The following FRYL variants were observed in gnomAD, a reference collection of about 807,000 sequenced individuals.
The protein encoded by FRYL is FRY like transcription coactivator, also known as protein furry homolog-like.
A neutral mutation model predicts 351.2 loss-of-function variants in FRYL; 150 were observed. That is an observed-to-expected ratio of 0.43 (90% confidence interval 0.37 to 0.49). The LOEUF is 0.49. FRYL is among the 20% of genes least tolerant of loss of function. The pLI is 0.00. For missense variants in FRYL, 3,036 were observed against 3,619.3 expected (o/e 0.84, Z 4.13); for synonymous variants, 1,153 against 1,257.1 (o/e 0.92, Z 1.75).
intron 1 of FRYL, among the ~76,000 whole-genome samples, chr4:48,720,057 G>A (rs1769293347): frequency 6.6e-6 from 1 of 150,766 alleles, no homozygotes; most frequent in Non-Finnish European, 1.5e-5. Context: ...GGCTGAGGCA[G>A]GAGAATGGCT....
At chr4:48,542,191 G>A (rs1730334403) in intron 44 of FRYL, 70 bp from the exon 45 acceptor site, 2 of 1,042,188 alleles carry the variant, frequency 1.9e-6, no homozygotes, top group Admixed American at 3.8e-5. Context: ...ACTTCCTAAT[G>A]GGATTTTAAA....
intron 13 of FRYL, among the ~76,000 whole-genome samples, chr4:48,600,917 C>T (rs947416856): frequency 6.6e-6 from 1 of 152,108 alleles, no homozygotes; most frequent in Non-Finnish European, 1.5e-5. Context: ...CATATAAATT[C>T]TCATCCAAAC....
rs573254352 is a variant in FRYL, at chr4:48,544,474, AT to A, written c.5401+308del. Among the ~76,000 whole-genome samples, 501 of 152,148 alleles carry A rather than the reference AT, an allele frequency of 3.3e-3. 2 individuals are homozygous for A. The highest frequency in any genetic ancestry group is 6.4e-3 in the Non-Finnish European group (432 of 67,990). ...GATTACTGAAGACTATACCAGCACA[AT>A]TTTTTTTAAGTTTCCAATTTCTATA... On this transcript the variant is annotated intron_variant, in intron 43 of 63. Coordinates refer to ENST00000358350, the MANE Select transcript of FRYL (RefSeq NM_015030.2).
At chr4:48,539,867 G>C (rs1729769319) in intron 47 of FRYL, 104 bp downstream of exon 47, 3 of 780,262 alleles carry the variant, frequency 3.8e-6, no homozygotes, top group Admixed American at 2.7e-5. Flanking sequence ...AAATTCATAT[G>C]GGAAGTGACA....
intron 54 of FRYL, among the ~76,000 whole-genome samples, chr4:48,522,191 G>A (rs1725052753): frequency 6.6e-6 from 1 of 152,140 alleles, no homozygotes; most frequent in Non-Finnish European, 1.5e-5. Flanking sequence ...TGAGGCAAGA[G>A]GATCACTTGA....
intron 1 of FRYL, among the ~76,000 whole-genome samples, chr4:48,751,431 A>G (rs1773238130): frequency 6.6e-6 from 1 of 152,206 alleles, no homozygotes; most frequent in South Asian, 2.1e-4. Flanking sequence ...AAACTTATAT[A>G]TCCCAAATGA....
At chr4:48,523,730 T>C (rs1184119260) in intron 53 of FRYL, among the ~76,000 whole-genome samples, 1 of 152,210 alleles carries the variant, frequency 6.6e-6, no homozygotes, top group African/African-American at 2.4e-5. Flanking sequence ...TATGATACAC[T>C]TTGGCAACAC....
chr4:48,774,837 G>A (rs770987401), intron 1 of FRYL, among the ~76,000 whole-genome samples: 1 of 152,090 alleles, frequency 6.6e-6, no homozygotes, highest in Admixed American at 6.5e-5. Flanking sequence ...GAGCCACCGC[G>A]TCCAGCCAAT....
At chr4:48,706,674 T>A (rs1369107108) in intron 2 of FRYL, among the ~76,000 whole-genome samples, 1 of 152,202 alleles carries the variant, frequency 6.6e-6, no homozygotes, top group African/African-American at 2.4e-5. Flanking sequence ...ATAATTTTTT[T>A]AAAAGGATGC....
intron 3 of FRYL, among the ~76,000 whole-genome samples, chr4:48,644,558 T>A (rs1756005658): frequency 2.1e-5 from 3 of 142,404 alleles, no homozygotes; most frequent in African/African-American, 5.2e-5. Flanking sequence ...ATGGGCAAAA[T>A]TAGAAGGAAA....
At chr4:48,765,166 T>G (rs529359488) in intron 1 of FRYL, among the ~76,000 whole-genome samples, 40 of 152,254 alleles carry the variant, frequency 2.6e-4, no homozygotes, top group African/African-American at 6.5e-4. Flanking sequence ...CTAAAATTCA[T>G]ATGGAACCAC....
intron 23 of FRYL, among the ~76,000 whole-genome samples, chr4:48,577,109 T>C (rs184581964): frequency 5.9e-5 from 9 of 152,278 alleles, no homozygotes; most frequent in Admixed American, 4.6e-4. Flanking sequence ...TTTTTCCCTA[T>C]TATACACAAT....
chr4:48,755,878 CTT>C (rs1210323486), intron 1 of FRYL, among the ~76,000 whole-genome samples: 1 of 151,186 alleles, frequency 6.6e-6, no homozygotes, highest in African/African-American at 2.4e-5. Flanking sequence ...TTTATTGCAA[CTT>C]AAGTTTATAA....
intron 31 of FRYL, 37 bp from the exon 32 acceptor site, chr4:48,563,025 G>A (rs1735861183): frequency 8.0e-7 from 1 of 1,250,724 alleles, no homozygotes; most frequent in Non-Finnish European, 1.2e-6. Context: ...AAATAACAAT[G>A]TTTAGAGGCT....
intron 9 of FRYL, among the ~76,000 whole-genome samples, chr4:48,608,432 G>A (rs1747318611): frequency 4.6e-5 from 7 of 152,018 alleles, no homozygotes; most frequent in Admixed American, 4.6e-4. Flanking sequence ...GTAACCACAA[G>A]TTGCTAATAA....
At chr4:48,689,796 C>A (rs1322472773) in intron 2 of FRYL, among the ~76,000 whole-genome samples, 1 of 152,116 alleles carries the variant, frequency 6.6e-6, no homozygotes, top group African/African-American at 2.4e-5. Flanking sequence ...CCCTCCTAAT[C>A]CAACCATTAA....
At chr4:48,626,417 C>G (rs1338086440) in intron 4 of FRYL, among the ~76,000 whole-genome samples, 1 of 151,828 alleles carries the variant, frequency 6.6e-6, no homozygotes, top group African/African-American at 2.4e-5. Context: ...CAAAATTAAC[C>G]AATATAATTA....
intron 54 of FRYL, among the ~76,000 whole-genome samples, chr4:48,522,042 C>G (rs759718823): frequency 1.3e-5 from 2 of 152,066 alleles, no homozygotes; most frequent in Non-Finnish European, 2.9e-5. Context: ...CTTTGGGAGG[C>G]CGAGGTGGGA....
intron 62 of FRYL, among the ~76,000 whole-genome samples, chr4:48,501,237 C>T (rs58437329): frequency 2.3e-3 from 350 of 152,188 alleles, no homozygotes; most frequent in African/African-American, 8.1e-3. Context: ...GTCACCTATG[C>T]TGGAGTGCAG....
Sources: allele counts gnomAD v4.1 joint callset (sites outside exome capture counted in the v4.1 genomes callset), GRCh38; gene constraint gnomAD v4.1.1; transcripts MANE v1.5; gene names NCBI Gene and HGNC (gene_info 2026-07-23, HGNC 2026-07-21).